The following AK8 variants were observed in gnomAD, a reference collection of about 807,000 sequenced individuals.
AK8 encodes adenylate kinase 8.
Under a neutral mutation model 54.6 loss-of-function variants are expected in AK8, and 44 were observed. The ratio of observed to expected loss-of-function variants is 0.81; its 90% CI spans 0.63 to 1.04. AK8 has a LOEUF of 1.04. AK8 is among the 50% of genes least tolerant of loss of function. The pLI is 0.00. For synonymous variants in AK8, 239 were observed against 245.6 expected (o/e 0.97, Z 0.25); for missense variants, 555 against 613.6 (o/e 0.90, Z 1.01).
In AK8 at chr9:132,741,252, G is replaced by A. The variant is rs150753040; in HGVS notation, c.1122-13718C>T. Among the ~76,000 whole-genome samples, 695 of 152,298 alleles carry A rather than the reference G, an allele frequency of 4.6e-3. 3 individuals carry two copies. The highest frequency in any genetic ancestry group is 0.014 in the Middle Eastern group (4 of 294). On this transcript the variant is annotated intron_variant, in intron 11 of 12. Coordinates refer to ENST00000298545, the MANE Select transcript of AK8 (RefSeq NM_152572.3). The stretch of plus-strand genomic sequence containing the variant: ...GCAGGGCCTGTGTCCGAATCCCCCC[G>A]ACACTGCTCCTTCATGCCTGTGCAC...
At chr9:132,758,207 C>G (rs7847824) in intron 11 of AK8, among the ~76,000 whole-genome samples, 39,892 of 152,190 alleles carry the variant, frequency 0.26, 7,278 homozygotes, top group African/African-American at 0.52. Context: ...CCCTTCCAGG[C>G]TTTTAATCTG....
intron 9 of AK8, among the ~76,000 whole-genome samples, chr9:132,817,408 G>A (rs952360661): frequency 3.9e-5 from 6 of 152,194 alleles, no homozygotes; most frequent in African/African-American, 1.4e-4. Context: ...GAATCAGATC[G>A]GGGATGACAC....
intron 10 of AK8, among the ~76,000 whole-genome samples, chr9:132,802,074 G>T (rs1039199336): frequency 6.6e-6 from 1 of 152,218 alleles, no homozygotes; most frequent in Non-Finnish European, 1.5e-5. Context: ...CCTAGCCAAG[G>T]CTTCCTCCTC....
intron 11 of AK8, among the ~76,000 whole-genome samples, chr9:132,789,431 T>C (rs753133047): frequency 1.2e-4 from 18 of 151,286 alleles, no homozygotes; most frequent in Non-Finnish European, 2.4e-4. Flanking sequence ...AACCCGTCTC[T>C]AATAAAAATA....
chr9:132,828,538 A>AG, intron 6 of AK8, 107 bp downstream of exon 6: 1 of 929,322 alleles, frequency 1.1e-6, no homozygotes, highest in East Asian at 2.7e-5. Flanking sequence ...TGGGTCTCAG[A>AG]CGGTGCCTGG....
intron 11 of AK8, among the ~76,000 whole-genome samples, chr9:132,788,411 T>C (rs999866385): frequency 1.3e-5 from 2 of 152,200 alleles, no homozygotes; most frequent in African/African-American, 2.4e-5. Context: ...TCTTTTGTTA[T>C]TGAGGAGGAA....
intron 2 of AK8, 32 bp from the exon 3 acceptor site, chr9:132,866,985 T>C: frequency 6.2e-7 from 1 of 1,608,994 alleles, no homozygotes; most frequent in Non-Finnish European, 8.5e-7. Context: ...ATGTCACCAC[T>C]CAACATGACA....
chr9:132,822,332 T>A (rs1304811861), intron 9 of AK8, among the ~76,000 whole-genome samples: 7 of 149,986 alleles, frequency 4.7e-5, no homozygotes, highest in Non-Finnish European at 7.4e-5. Flanking sequence ...TATATACAAA[T>A]ATACATACAA....
chr9:132,789,575 C>T (rs1392988586), intron 11 of AK8, among the ~76,000 whole-genome samples: 5 of 110,096 alleles, frequency 4.5e-5, no homozygotes, highest in Admixed American at 2.9e-4. Context: ...CCAGCCTGGG[C>T]GACAGAGTGA....
chr9:132,834,604 A>G (rs1331883353), intron 5 of AK8, among the ~76,000 whole-genome samples: 1 of 152,226 alleles, frequency 6.6e-6, no homozygotes, highest in African/African-American at 2.4e-5. Context: ...CCACCTGATC[A>G]AGGTGAGGTG....
intron 11 of AK8, among the ~76,000 whole-genome samples, chr9:132,762,582 A>G (rs925692739): frequency 6.6e-6 from 1 of 152,158 alleles, no homozygotes; most frequent in South Asian, 2.1e-4. Flanking sequence ...GAGTTCATCA[A>G]AGGAGTAACA....
At chr9:132,807,560 C>T (rs572645485) in intron 10 of AK8, among the ~76,000 whole-genome samples, 4 of 152,306 alleles carry the variant, frequency 2.6e-5, no homozygotes, top group African/African-American at 9.6e-5. Flanking sequence ...GGGCAGAAGC[C>T]AAGCCTTCTG....
chr9:132,877,966 G>T, intron 1 of AK8: 2 of 1,352,070 alleles, frequency 1.5e-6, no homozygotes, highest in Non-Finnish European at 2.0e-6. Flanking sequence ...GGGTCCGCCT[G>T]AGGCAAACCC....
chr9:132,773,208 G>A (rs1839064035), intron 11 of AK8, among the ~76,000 whole-genome samples: 1 of 152,108 alleles, frequency 6.6e-6, no homozygotes, highest in South Asian at 2.1e-4. Flanking sequence ...CAGGGCCTTT[G>A]CACTGTAGTT....
chr9:132,825,310 C>T (rs895866967), intron 8 of AK8, among the ~76,000 whole-genome samples: 10 of 152,234 alleles, frequency 6.6e-5, no homozygotes, highest in African/African-American at 2.4e-4. Context: ...TATCTCTCTG[C>T]ATTATTAATT....
chr9:132,754,555 G>A (rs139273962), intron 11 of AK8, among the ~76,000 whole-genome samples: 35 of 152,244 alleles, frequency 2.3e-4, no homozygotes, highest in African/African-American at 7.9e-4. Context: ...AGTTTCCATT[G>A]TAAAGAGTAA....
chr9:132,770,102 A>G lies in AK8; in HGVS notation c.1121+22532T>C, dbSNP rs1838895875. ...CAGGTAAAAACAGCAGTCGCGATCC[A>G]TTGTCACAGCCCACTGTCCCCACCC... On this transcript the variant is annotated intron_variant, in intron 11 of 12. Transcript: ENST00000298545. The surrounding 1 kb of genome is among the most constrained non-coding windows in gnomAD (Gnocchi z 4.3). 1 of 152,160 alleles carries G rather than the reference A, an allele frequency of 6.6e-6. No individual in the cohort carries two copies. The highest frequency in any genetic ancestry group is 2.4e-5 in the African/African-American group (1 of 41,440). The allele number at this position is 152,160 out of a possible 1,614,324, so 9.4% of individuals were successfully genotyped here.
Position 132,744,012 on chromosome 9 carries a change from G to A in AK8, c.1122-16478C>T, listed in dbSNP as rs150090170. 1.5e-3 allele frequency among the ~76,000 whole-genome samples: 224 copies of A among 152,304 alleles called. 3 individuals carry two copies. Among genetic ancestry groups the A allele is most frequent in the Non-Finnish European group, 2.5e-3 (173 of 68,020 alleles). ...TCAGGAGAGGGACAGTGAACCTGCC[G>A]GAACTCAAGCCAGCTAGCGGGAGGG... On this transcript the variant is annotated intron_variant, in intron 11 of 12. Coordinates refer to ENST00000298545, the MANE Select transcript of AK8 (RefSeq NM_152572.3).
intron 11 of AK8, among the ~76,000 whole-genome samples, chr9:132,734,938 C>T (rs964209636): frequency 2.0e-5 from 3 of 152,052 alleles, no homozygotes; most frequent in African/African-American, 2.4e-5. Context: ...GACTGAAGCA[C>T]GAGAATCGCT....
Sources: allele counts gnomAD v4.1 joint callset (sites outside exome capture counted in the v4.1 genomes callset), GRCh38; gene constraint gnomAD v4.1.1; non-coding constraint Gnocchi (gnomAD v3.1); transcripts MANE v1.5; gene names NCBI Gene and HGNC (gene_info 2026-07-23, HGNC 2026-07-21).